Variants in PATJ observed in about 807,000 individuals in gnomAD.
The protein encoded by PATJ is PATJ crumbs cell polarity complex component.
PATJ carries 190 observed loss-of-function variants against 224.9 expected under a neutral mutation model. The ratio of observed to expected loss-of-function variants is 0.84; its 90% CI spans 0.75 to 0.95. The LOEUF (loss-of-function observed/expected upper bound fraction) is 0.95. Among genes scored for constraint, PATJ ranks in the 40% least tolerant of loss-of-function variants. The pLI, the probability that PATJ is intolerant of heterozygous loss-of-function variation, is 0.00. For missense variants in PATJ, 2,121 were observed against 2,270.3 expected (o/e 0.93, Z 1.34); for synonymous variants, 769 against 820.3 (o/e 0.94, Z 1.07).
rs917401196 is a variant in PATJ, at chr1:62,018,651, T to C, written c.3959+704T>C. On this transcript the variant is annotated intron_variant, in intron 29 of 43. Transcript: ENST00000642238. This position sits in a 1 kb window ranked among gnomAD's most constrained non-coding sequence, Gnocchi z 4.2. ...TCACTGTAGCTCTGCTTCTTTTTCCTTCTGGGACTCAGTTATCATCTGTAA... is the reference window on the plus strand; with the variant it reads ...TCACTGTAGCTCTGCTTCTTTTTCCCTCTGGGACTCAGTTATCATCTGTAA... 2.0e-5 allele frequency among the ~76,000 whole-genome samples: 3 copies of C among 152,234 alleles called. No individual in the cohort carries two copies. Among genetic ancestry groups the C allele is most frequent in the Admixed American group, 2.0e-4 (3 of 15,280 alleles).
intron 41 of PATJ, among the ~76,000 whole-genome samples, chr1:62,147,302 G>C (rs1349369116): frequency 1.6e-5 from 1 of 60,922 alleles, no homozygotes; most frequent in African/African-American, 1.3e-4. Context: ...GGAATGGCCA[G>C]AAGTGTGGAA....
intron 27 of PATJ, among the ~76,000 whole-genome samples, chr1:61,959,750 T>C (rs1327975236): frequency 6.6e-6 from 1 of 152,138 alleles, no homozygotes; most frequent in African/African-American, 2.4e-5. Context: ...TTTTTTAGAA[T>C]GGTTCTGTCA....
At chr1:62,142,240 A>G (rs1049801194) in intron 41 of PATJ, among the ~76,000 whole-genome samples, 2 of 152,152 alleles carry the variant, frequency 1.3e-5, no homozygotes, top group Non-Finnish European at 2.9e-5. Context: ...ACTCCCCTCC[A>G]CTACATCCTG....
chr1:62,134,988 G>A (rs940655604), intron 41 of PATJ, among the ~76,000 whole-genome samples: 4 of 99,568 alleles, frequency 4.0e-5, no homozygotes, highest in South Asian at 3.6e-4. Context: ...CAGAGCAGGC[G>A]CGTCATGGCC....
intron 14 of PATJ, among the ~76,000 whole-genome samples, chr1:61,820,620 G>A: frequency 6.6e-6 from 1 of 152,230 alleles, no homozygotes. Context: ...GGGATTAAAG[G>A]TGTGAGCTAC....
In PATJ at chr1:61,831,799, T is replaced by G. The variant is rs546358075; in HGVS notation, c.1981-1855T>G. ...TTTCTCAGAGAACTTAAAACAGAACTACCATTCAACCCAGCAGTCCCATTA... is the reference window on the plus strand; with the variant it reads ...TTTCTCAGAGAACTTAAAACAGAACGACCATTCAACCCAGCAGTCCCATTA... On this transcript the variant is annotated intron_variant, in intron 16 of 43. Coordinates refer to ENST00000642238, the MANE Select transcript of PATJ (RefSeq NM_001350145.3). 7.2e-5 allele frequency among the ~76,000 whole-genome samples: 11 copies of G among 152,304 alleles called. No homozygotes were observed. In the East Asian group the frequency reaches 1.9e-3, roughly 27 times the overall value.
At chr1:61,916,646 A>T (rs2149243374) in intron 26 of PATJ, among the ~76,000 whole-genome samples, 1 of 152,348 alleles carries the variant, frequency 6.6e-6, no homozygotes, top group South Asian at 2.1e-4. Flanking sequence ...CATCTTACCC[A>T]CTGCCCAAAT....
chr1:61,959,197 C>A (rs1680867321), intron 27 of PATJ, among the ~76,000 whole-genome samples: 1 of 151,758 alleles, frequency 6.6e-6, no homozygotes, highest in Admixed American at 6.6e-5. Context: ...CAAAATAGGC[C>A]AGCTAGACCT....
At chr1:62,001,691 T>C (rs1425888634) in intron 28 of PATJ, among the ~76,000 whole-genome samples, 1 of 152,000 alleles carries the variant, frequency 6.6e-6, no homozygotes, top group Non-Finnish European at 1.5e-5. Flanking sequence ...CCATATGAAC[T>C]TTAAAGTAGT....
In PATJ at chr1:62,045,069, A is replaced by G. The variant is rs550761061; in HGVS notation, c.4033-5897A>G. ...CCCGTCTCTACTAAAAAAAATACAA[A>G]AATTAGCTGGGTGTGGTGGCGTGCG... On this transcript the variant is annotated intron_variant, in intron 30 of 43. Transcript: ENST00000642238. Among the ~76,000 whole-genome samples the G allele has an allele frequency of 1.3e-5, 2 of 152,186 alleles. 1 individual carries two copies. The highest frequency in any genetic ancestry group is 4.8e-5 in the African/African-American group (2 of 41,526).
At chr1:61,753,982 A>G (rs967772583) in intron 1 of PATJ, among the ~76,000 whole-genome samples, 37 of 152,200 alleles carry the variant, frequency 2.4e-4, no homozygotes, top group African/African-American at 8.7e-4. Flanking sequence ...AAAAGCCACA[A>G]TATTATAATA....
chr1:62,136,661 GTGT>G (rs1666919432), intron 41 of PATJ, among the ~76,000 whole-genome samples: 1 of 43,364 alleles, frequency 2.3e-5, no homozygotes, highest in South Asian at 1.2e-3. Context: ...GTGTGTGTGT[GTGT>G]CTGTGTGTGT....
intron 33 of PATJ, among the ~76,000 whole-genome samples, chr1:62,092,256 T>G (rs1167672747): frequency 6.6e-6 from 1 of 151,904 alleles, no homozygotes; most frequent in Non-Finnish European, 1.5e-5. Flanking sequence ...GGCATGTGCC[T>G]GTAGTCCCAA....
At chr1:62,076,640 T>C (rs2148713333) in intron 31 of PATJ, among the ~76,000 whole-genome samples, 1 of 152,314 alleles carries the variant, frequency 6.6e-6, no homozygotes, top group South Asian at 2.1e-4. Context: ...CCAGTATCTA[T>C]CAGGGACCTA....
At chr1:61,932,645 A>T (rs1333361194) in intron 27 of PATJ, among the ~76,000 whole-genome samples, 1 of 152,226 alleles carries the variant, frequency 6.6e-6, no homozygotes, top group African/African-American at 2.4e-5. Context: ...CACCCCTGTA[A>T]TCCCAGCACT....
intron 20 of PATJ, among the ~76,000 whole-genome samples, chr1:61,874,001 TCAGTGTGTC>T (rs763100963): frequency 4.7e-4 from 71 of 152,130 alleles, no homozygotes; most frequent in Non-Finnish European, 9.4e-4. Flanking sequence ...TCCTCACTCT[TCAGTGTGTC>T]CGTGTGCCTA....
intron 26 of PATJ, among the ~76,000 whole-genome samples, chr1:61,922,549 GC>G (rs1303372905): frequency 6.6e-6 from 1 of 152,178 alleles, no homozygotes; most frequent in Non-Finnish European, 1.5e-5. Context: ...GAGATCTCTG[GC>G]TTTAGGTTTC....
chr1:62,053,451 G>A (rs1390220992), intron 31 of PATJ, among the ~76,000 whole-genome samples: 1 of 152,064 alleles, frequency 6.6e-6, no homozygotes, highest in African/African-American at 2.4e-5. Flanking sequence ...CGGGCACAGT[G>A]GCTCACGCCT....
chr1:61,752,561 TC>T (rs1380917499), intron 1 of PATJ, among the ~76,000 whole-genome samples: 12 of 152,088 alleles, frequency 7.9e-5, no homozygotes, highest in Admixed American at 2.6e-4. Flanking sequence ...GTCCAAGGCC[TC>T]CCTTGTGCCC....
Sources: gnomAD v4.1 joint callset for allele counts (sites outside exome capture counted in the v4.1 genomes callset) on GRCh38, gnomAD v4.1.1 for gene constraint, Gnocchi (gnomAD v3.1) non-coding constraint, MANE v1.5 for transcripts, NCBI Gene and HGNC (gene_info 2026-07-23, HGNC 2026-07-21) for gene names.